RIPK2: variants seen among roughly 807,000 people sequenced by gnomAD.
The protein encoded by RIPK2 is receptor interacting serine/threonine kinase 2, also known as receptor-interacting serine/threonine-protein kinase 2.
RIPK2 carries 38 observed loss-of-function variants against 60.9 expected under a neutral mutation model. That is an observed-to-expected ratio of 0.62 (90% CI 0.48 to 0.82). The LOEUF (loss-of-function observed/expected upper bound fraction) is 0.82, where lower values mean the gene tolerates loss of function less well. RIPK2 is among the 40% of genes least tolerant of loss of function. RIPK2 has a pLI of 0.00. For missense variants in RIPK2, 518 were observed against 647.0 expected (o/e 0.80, Z 2.16); for synonymous variants, 225 against 223.4 (o/e 1.01, Z -0.06).
At chr8:89,785,327 T>C (rs1415198998) in intron 8 of RIPK2, among the ~76,000 whole-genome samples, 4 of 151,904 alleles carry the variant, frequency 2.6e-5, no homozygotes, top group African/African-American at 9.7e-5. Flanking sequence ...ATATAAAAAT[T>C]AGCTGGGCAT....
chr8:89,775,759 T>C (rs1464506382), intron 6 of RIPK2, among the ~76,000 whole-genome samples: 1 of 152,188 alleles, frequency 6.6e-6, no homozygotes, highest in African/African-American at 2.4e-5. Flanking sequence ...TTCCCTCTCA[T>C]GGCTTCTATT....
intron 6 of RIPK2, 152 bp from the exon 7 acceptor site, chr8:89,779,923 A>C: frequency 1.8e-6 from 1 of 558,624 alleles, no homozygotes; most frequent in East Asian, 3.4e-5. Context: ...GCTTATGTCT[A>C]TCTTTATGTC....
At chr8:89,775,836 A>C (rs1282542603) in intron 6 of RIPK2, among the ~76,000 whole-genome samples, 1 of 152,148 alleles carries the variant, frequency 6.6e-6, no homozygotes, top group Non-Finnish European at 1.5e-5. Flanking sequence ...GGGATGTAAG[A>C]GGCTGAAAAA....
At chr8:89,778,202 G>GTA (rs1809433498) in intron 6 of RIPK2, among the ~76,000 whole-genome samples, 1 of 151,914 alleles carries the variant, frequency 6.6e-6, no homozygotes, top group African/African-American at 2.4e-5. Context: ...TAACTAGAGA[G>GTA]TATATATTCT....
chr8:89,768,450 C>G (rs1563611789), intron 3 of RIPK2, among the ~76,000 whole-genome samples: 2 of 151,742 alleles, frequency 1.3e-5, no homozygotes, highest in African/African-American at 4.8e-5. Context: ...AGCTGTATCA[C>G]ATGGCCATAA....
chr8:89,766,411 A>G (rs1048913199), intron 3 of RIPK2, among the ~76,000 whole-genome samples: 1 of 151,724 alleles, frequency 6.6e-6, no homozygotes, highest in Non-Finnish European at 1.5e-5. Flanking sequence ...GTATCCAACT[A>G]TTTTCCAGAG....
chr8:89,764,812 CAAT>C (rs781463055), intron 2 of RIPK2, among the ~76,000 whole-genome samples: 27 of 151,976 alleles, frequency 1.8e-4, no homozygotes, highest in African/African-American at 6.3e-4. Context: ...AATGCTTAGT[CAAT>C]AAATACAATA....
intron 2 of RIPK2, among the ~76,000 whole-genome samples, chr8:89,764,386 C>T (rs1234652688): frequency 6.6e-6 from 1 of 152,088 alleles, no homozygotes; most frequent in Non-Finnish European, 1.5e-5. Context: ...TATTTTGAAC[C>T]ACTCCCCCTG....
At chr8:89,778,334 C>A (rs1308710778) in intron 6 of RIPK2, among the ~76,000 whole-genome samples, 2 of 151,952 alleles carry the variant, frequency 1.3e-5, no homozygotes. Context: ...AATTTACTTA[C>A]CATAAAATTT....
Position 89,784,050 on chromosome 8 carries a change from T to C in RIPK2, c.940T>C (p.Leu314=). 1 of 1,515,450 alleles carries C rather than the reference T, an allele frequency of 6.6e-7. No homozygotes were observed. The highest frequency in any genetic ancestry group is 2.3e-5 in the East Asian group (1 of 44,004). 93.9% of individuals were successfully genotyped at this position (1,515,450 alleles called of 1,614,324 possible). A position where few individuals can be genotyped will look rare whatever the true frequency, so the allele number is the denominator to read the frequency against. ...ATATATATTTATGTATTCATTACAGTTACAGAGTGTTTCAAGTGCCATTCA... is the reference window on the plus strand; with the variant it reads ...ATATATATTTATGTATTCATTACAGCTACAGAGTGTTTCAAGTGCCATTCA... ...EAVIQLKKTK[L]QSVSSAIHLC... is the part of the protein sequence containing the mutation. Residue 314 remains leucine (L), a splice_region_variant and synonymous_variant, in exon 8 of 11, where the codon TTA becomes CTA. Coordinates refer to ENST00000220751, the MANE Select transcript of RIPK2 (RefSeq NM_003821.6).
At chr8:89,775,685 G>T (rs1809385730) in intron 6 of RIPK2, among the ~76,000 whole-genome samples, 1 of 152,174 alleles carries the variant, frequency 6.6e-6, no homozygotes, top group South Asian at 2.1e-4. Flanking sequence ...TAAGAGAAAT[G>T]AGGTTGGAGA....
Position 89,757,839 on chromosome 8 carries a change from C to T in RIPK2, c.-222C>T. 1 of 1,300,594 alleles carries T rather than the reference C, an allele frequency of 7.7e-7. No homozygotes were observed. The highest frequency in any genetic ancestry group is 9.8e-7 in the Non-Finnish European group (1 of 1,023,958). The allele number at this position is 1,300,594 out of a possible 1,614,324, so 80.6% of individuals were successfully genotyped here. A position where few individuals can be genotyped will look rare whatever the true frequency, so the allele number is the denominator to read the frequency against. On this transcript the variant is annotated 5_prime_UTR_variant, in exon 1 of 11. Coordinates refer to ENST00000220751, the MANE Select transcript of RIPK2 (RefSeq NM_003821.6). ...CTCTTTCGCGGCGCTACGGCGTTGG[C>T]ACCAGTCTCTAGAAAAGAAGTCAGC...
At chr8:89,788,611 T>C (rs1255477560) in intron 9 of RIPK2, among the ~76,000 whole-genome samples, 3 of 152,060 alleles carry the variant, frequency 2.0e-5, no homozygotes, top group Admixed American at 6.6e-5. Flanking sequence ...ATTCCATCTC[T>C]ACTAAAAATA....
chr8:89,789,350 C>G lies in RIPK2; in HGVS notation c.1153C>G (p.Leu385Val). ...RKAQDCYFMK[L>V]HHCPGNHSWD... ...AGCTCAAGACTGTTATTTTATGAAG[C>G]TGCATCACTGTCCTGGAAATCACAG... The change falls in exon 10 of 11, where the codon CTG becomes GTG. Residue 385 changes from leucine to valine, a missense_variant. By Grantham distance (32) the Leu-to-Val change is conservative. This residue lies in a region of RIPK2 where 448 missense variants were observed against 534.7 expected (regional missense o/e 0.84). Transcript: ENST00000220751. 6.2e-7 allele frequency: 1 copy of G among 1,613,926 alleles called. No homozygotes were observed. The highest frequency in any genetic ancestry group is 8.5e-7 in the Non-Finnish European group (1 of 1,179,878).
At position 89,757,979 on chromosome 8, in the gene RIPK2, TG is replaced by T. The variant is rs950682509; in HGVS notation, c.-79del. ...GGCCTCGCTCGTGCAGGGGCGTATC[TG>T]GGCGCCTGAGCGCGGCGTGGGAGCC... On this transcript the variant is annotated 5_prime_UTR_variant, in exon 1 of 11. Transcript: ENST00000220751. 12 of 1,453,868 alleles carry T rather than the reference TG, an allele frequency of 8.3e-6. No individual in the cohort carries two copies. The highest frequency in any genetic ancestry group is 2.9e-5 in the African/African-American group (2 of 69,670). 90.1% of individuals were successfully genotyped at this position (1,453,868 alleles called of 1,614,324 possible). A position where few individuals can be genotyped will look rare whatever the true frequency, so the allele number is the denominator to read the frequency against.
intron 4 of RIPK2, among the ~76,000 whole-genome samples, chr8:89,770,136 G>T (rs1809290070): frequency 6.6e-6 from 1 of 151,778 alleles, no homozygotes; most frequent in Non-Finnish European, 1.5e-5. Flanking sequence ...CATCCTTTAA[G>T]AAATTTTAAA....
intron 6 of RIPK2, among the ~76,000 whole-genome samples, chr8:89,777,551 T>C (rs149383365): frequency 5.0e-4 from 76 of 150,816 alleles, no homozygotes; most frequent in Non-Finnish European, 9.3e-4. Context: ...TATAAACATA[T>C]CCAGCTTTGT....
rs567452572 is a variant in RIPK2, at chr8:89,764,366, C to T, written c.328-975C>T. Among the ~76,000 whole-genome samples, 13 of 152,258 alleles carry T rather than the reference C, an allele frequency of 8.5e-5. No individual in the cohort carries two copies. The South Asian group carries it at 1.7e-3, about 19-fold the overall frequency. On this transcript the variant is annotated intron_variant, in intron 2 of 10. Transcript: ENST00000220751. ...GAGAAAACTCAAGATGTATCATAAA[C>T]AGTCTAAAATATTTTGAACCACTCC...
intron 8 of RIPK2, among the ~76,000 whole-genome samples, chr8:89,785,217 G>A (rs1256093933): frequency 6.6e-6 from 1 of 152,180 alleles, no homozygotes; most frequent in Non-Finnish European, 1.5e-5. Flanking sequence ...GCTCAAGTCT[G>A]TGATCCCAGA....
Sources: gnomAD v4.1 joint callset for allele counts (sites outside exome capture counted in the v4.1 genomes callset) on GRCh38, gnomAD v4.1.1 for gene constraint, gnomAD v4.1.1 regional missense constraint, MANE v1.5 for transcripts, NCBI Gene and HGNC (gene_info 2026-07-23, HGNC 2026-07-21) for gene names.